EFCAB8: variants seen among roughly 807,000 people sequenced by gnomAD.
The protein encoded by EFCAB8 is EF-hand calcium-binding domain-containing protein 8.
EFCAB8 carries 100 observed loss-of-function variants against 116.3 expected under a neutral mutation model. The ratio of observed to expected loss-of-function variants is 0.86; its 90% CI spans 0.73 to 1.02. The LOEUF (loss-of-function observed/expected upper bound fraction) is 1.02, where lower values mean the gene tolerates loss of function less well. EFCAB8 is among the 50% of genes least tolerant of loss of function. The probability of loss-of-function intolerance (pLI) is 0.00; values close to 1 mark genes in which losing one functional copy is unlikely to be tolerated. For missense variants in EFCAB8, 1,320 were observed against 1,416.9 expected (o/e 0.93, Z 1.10); for synonymous variants, 558 against 567.9 (o/e 0.98, Z 0.25).
intron 20 of EFCAB8, 114 bp downstream of exon 20, chr20:32,920,329 A>C (rs1987392294): frequency 1.4e-6 from 2 of 1,388,792 alleles, no homozygotes; most frequent in Non-Finnish European, 1.9e-6. Flanking sequence ...GATTCTCCCC[A>C]GTGCCCGGAA....
In EFCAB8 at chr20:32,893,229, G is replaced by A; in HGVS notation, c.814G>A (p.Val272Ile). ...TGGAGACGCCAAAGGCAACGTCATT[G>A]TCTTCACCTCCGAAAACATGACCAG... is the stretch of plus-strand genomic sequence containing the variant. ...CYGDAKGNVI[V>I]FTSENMTSGL... Residue 272 changes from valine to isoleucine, a missense_variant, in exon 9 of 27, where the codon GTC (valine) becomes ATC (isoleucine). Val to Ile is a conservative substitution (Grantham distance 29). Transcript: ENST00000400522. 6.4e-7 allele frequency: 1 copy of A among 1,552,062 alleles called. No individual in the cohort carries two copies. Among genetic ancestry groups the A allele is most frequent in the Non-Finnish European group, 8.7e-7 (1 of 1,147,072 alleles).
At chr20:32,946,288 G>A (rs1228692333) in intron 23 of EFCAB8, among the ~76,000 whole-genome samples, 1 of 152,244 alleles carries the variant, frequency 6.6e-6, no homozygotes, top group South Asian at 2.1e-4. Context: ...TCCCTCCCAG[G>A]GAGAAGCTGG....
At chr20:32,921,034 C>G (rs1019798048) in intron 20 of EFCAB8, among the ~76,000 whole-genome samples, 1 of 152,172 alleles carries the variant, frequency 6.6e-6, no homozygotes, top group Non-Finnish European at 1.5e-5. Flanking sequence ...CCTGAAAATA[C>G]AAATCATAGT....
At chr20:32,874,630 C>T (rs1400125885) in intron 3 of EFCAB8, among the ~76,000 whole-genome samples, 1 of 152,224 alleles carries the variant, frequency 6.6e-6, no homozygotes, top group Non-Finnish European at 1.5e-5. Flanking sequence ...CAACCTCTGC[C>T]TCCTGGGTTC....
At chr20:32,939,999 GCCTGCCTCCCTC>G (rs1350867115) in intron 22 of EFCAB8, among the ~76,000 whole-genome samples, 1 of 63,436 alleles carries the variant, frequency 1.6e-5, no homozygotes, top group Non-Finnish European at 3.6e-5. Context: ...CTGCCTGCCT[GCCTGCCTCCCTC>G]CCTCCCTCCC....
intron 4 of EFCAB8, among the ~76,000 whole-genome samples, chr20:32,877,245 G>A (rs1012116053): frequency 9.1e-6 from 1 of 109,658 alleles, no homozygotes; most frequent in Non-Finnish European, 1.7e-5. Flanking sequence ...GTCTTGCTCT[G>A]TCGCCCAGGC....
chr20:32,912,475 A>G (rs1331290542), intron 16 of EFCAB8, among the ~76,000 whole-genome samples: 1 of 151,512 alleles, frequency 6.6e-6, no homozygotes, highest in Non-Finnish European at 1.5e-5. Context: ...GTACTTAGCC[A>G]AGATGCCAGG....
At chr20:32,878,101 A>G (rs1019174676) in intron 4 of EFCAB8, among the ~76,000 whole-genome samples, 34 of 152,094 alleles carry the variant, frequency 2.2e-4, no homozygotes, top group African/African-American at 8.0e-4. Context: ...CCCCATCTCT[A>G]CAAAAAATAC....
At chr20:32,920,299 C>G (rs1987390054) in intron 20 of EFCAB8, 84 bp downstream of exon 20, 2 of 1,497,416 alleles carry the variant, frequency 1.3e-6, no homozygotes, top group Admixed American at 2.3e-5. Context: ...GCTCGGGGGC[C>G]TGGGCTCGGG....
At chr20:32,887,247 T>A (rs1985678526) in intron 6 of EFCAB8, among the ~76,000 whole-genome samples, 1 of 152,242 alleles carries the variant, frequency 6.6e-6, no homozygotes, top group Non-Finnish European at 1.5e-5. Flanking sequence ...TTCTTTCTGC[T>A]TTCTTCAGTT....
rs1183980242 is a variant in EFCAB8, at chr20:32,867,603, C to T, written c.64C>T (p.Gln22Ter). 15 of 1,551,492 alleles carry T rather than the reference C, an allele frequency of 9.7e-6. No homozygotes were observed. The highest frequency in any genetic ancestry group is 1.3e-5 in the Non-Finnish European group (15 of 1,146,982). Residue 22 changes from glutamine (Q) to a stop codon, truncating the protein, a stop_gained, in exon 3 of 27, where the codon CAG (glutamine) becomes TAG (stop). Transcript: ENST00000400522. LOFTEE classifies it high-confidence loss of function. ...CCAGCTGTCCATCCCACATGGCTTC[C>T]AGAACAAGGAGGCTGCTAGCTCCCC... ...LQKLSIPHGF[Q>*]NKEAASSPTP...
In EFCAB8 at chr20:32,931,192, G is replaced by A; in HGVS notation, c.2646G>A (p.Lys882=). 5 of 1,545,640 alleles carry A rather than the reference G, an allele frequency of 3.2e-6. No individual in the cohort carries two copies. The highest frequency in any genetic ancestry group is 2.4e-5 in the East Asian group (1 of 40,856). ...TTTATGTCTAGATCTGGGACATCAA[G>A]GATTACTGCGCATTGATTGATAAAC... ...CKGYIKIWDI[K]DYCALIDKQP... is the part of the protein sequence containing the mutation. The change falls in exon 22 of 27, where the codon AAG becomes AAA. Residue 882 remains lysine (K), a synonymous_variant. Transcript: ENST00000400522.
Position 32,961,258 on chromosome 20 carries a change from T to TG in EFCAB8, c.3517dup (p.Val1173GlyfsTer?), listed in dbSNP as rs1254815095. ...AGCACATCCGCCTGGTGGCCCACCA[T>TG]GTCCAGAAGGACCTGGTGCCCAGCA... is the stretch of plus-strand genomic sequence containing the variant. On this transcript the variant is annotated frameshift_variant, in exon 27 of 27. Coordinates refer to ENST00000400522, the MANE Select transcript of EFCAB8 (RefSeq NM_001143967.2). LOFTEE classifies it low-confidence loss of function (END_TRUNC). 63 of 1,551,330 alleles carry TG rather than the reference T, an allele frequency of 4.1e-5. No homozygotes were observed. Among genetic ancestry groups the TG allele is most frequent in the Non-Finnish European group, 5.3e-5 (61 of 1,146,748 alleles).
chr20:32,903,515 G>A (rs1986530793), intron 11 of EFCAB8: 1 of 152,266 alleles, frequency 6.6e-6, no homozygotes, highest in African/African-American at 2.4e-5. Flanking sequence ...GCAGGAGTAG[G>A]AGCCAGGAAA....
At chr20:32,897,992 C>A (rs1176801501) in intron 10 of EFCAB8, among the ~76,000 whole-genome samples, 1 of 152,208 alleles carries the variant, frequency 6.6e-6, no homozygotes, top group Non-Finnish European at 1.5e-5. Context: ...AGAGCCCAGC[C>A]AGCCCCTTCG....
intron 10 of EFCAB8, among the ~76,000 whole-genome samples, chr20:32,897,447 T>G (rs1986215741): frequency 6.6e-6 from 1 of 151,660 alleles, no homozygotes; most frequent in South Asian, 2.1e-4. Flanking sequence ...GACTTTTTTT[T>G]TTTTTTTTTG....
intron 17 of EFCAB8, among the ~76,000 whole-genome samples, chr20:32,913,366 C>T (rs1184562869): frequency 6.6e-6 from 1 of 152,088 alleles, no homozygotes; most frequent in African/African-American, 2.4e-5. Flanking sequence ...TTTATAAGGG[C>T]ACTAATCCCA....
At chr20:32,941,312 T>G (rs758954614) in intron 22 of EFCAB8, among the ~76,000 whole-genome samples, 1 of 148,122 alleles carries the variant, frequency 6.8e-6, no homozygotes, top group Non-Finnish European at 1.5e-5. Context: ...TGGAAAACAG[T>G]CTGGCAGTTC....
chr20:32,957,437 C>T (rs1989006089), intron 23 of EFCAB8, among the ~76,000 whole-genome samples: 1 of 152,126 alleles, frequency 6.6e-6, no homozygotes, highest in African/African-American at 2.4e-5. Context: ...GCATCTCCAT[C>T]CAGTTGGGGA....
Sources: gnomAD v4.1 joint callset for allele counts (sites outside exome capture counted in the v4.1 genomes callset) on GRCh38, gnomAD v4.1.1 for gene constraint, MANE v1.5 for transcripts, NCBI Gene and HGNC (gene_info 2026-07-23, HGNC 2026-07-21) for gene names.